The following AJAP1 variants were observed in gnomAD, a reference collection of about 807,000 sequenced individuals.
AJAP1 encodes the protein adherens junctions associated protein 1, also known as adherens junction-associated protein 1.
A neutral mutation model predicts 35.0 loss-of-function variants in AJAP1; 5 were observed. The observed-to-expected ratio is 0.14, with a 90% confidence interval of 0.07 to 0.30. AJAP1 has a LOEUF of 0.30. Ranked by LOEUF, AJAP1 falls within the 10% of genes least tolerant of loss-of-function variation. AJAP1 has a pLI of 1.00. For synonymous variants in AJAP1, 284 were observed against 249.3 expected (o/e 1.14, Z -1.31); for missense variants, 586 against 571.0 (o/e 1.03, Z -0.27).
rs1326074109 is a variant in AJAP1, at chr1:4,772,487, G to A, written c.1125G>A (p.Ser375=). 10 of 1,614,080 alleles carry A rather than the reference G, an allele frequency of 6.2e-6. No homozygotes were observed. The highest frequency in any genetic ancestry group is 1.3e-5 in the African/African-American group (1 of 74,934). The change falls in exon 4 of 6, where the codon TCG becomes TCA. Residue 375 remains serine, a synonymous_variant. Coordinates refer to ENST00000378191, the MANE Select transcript of AJAP1 (RefSeq NM_018836.4). The part of the protein sequence containing the change: ...VPVYTDETLH[S]TTGEYKSTFN... ...TGTACACCGATGAGACGCTGCACTC[G>A]ACGACGGGGGAGTACAAATCCACAT...
intron 2 of AJAP1, among the ~76,000 whole-genome samples, chr1:4,761,571 A>G (rs1360855356): frequency 6.6e-6 from 1 of 152,210 alleles, no homozygotes; most frequent in Non-Finnish European, 1.5e-5. Context: ...AATCTGTATT[A>G]GTCAGGGTTC....
chr1:4,682,113 G>A (rs1223134738), intron 1 of AJAP1, among the ~76,000 whole-genome samples: 4 of 152,182 alleles, frequency 2.6e-5, no homozygotes, highest in African/African-American at 9.7e-5. Flanking sequence ...CACTGATGAT[G>A]CTGAGAGGCC....
At chr1:4,694,351 A>G (rs1639811123) in intron 1 of AJAP1, among the ~76,000 whole-genome samples, 1 of 152,192 alleles carries the variant, frequency 6.6e-6, no homozygotes, top group African/African-American at 2.4e-5. Flanking sequence ...CACAGCAAGT[A>G]TTATTTTCTC....
chr1:4,702,173 A>G (rs569466770), intron 1 of AJAP1, among the ~76,000 whole-genome samples: 1 of 151,028 alleles, frequency 6.6e-6, no homozygotes, highest in East Asian at 1.9e-4. Context: ...CATGTCCCCA[A>G]TATTCCAGCG....
intron 1 of AJAP1, among the ~76,000 whole-genome samples, chr1:4,703,733 C>G (rs1299549459): frequency 6.6e-6 from 1 of 152,184 alleles, no homozygotes; most frequent in African/African-American, 2.4e-5. Flanking sequence ...AACACAGAAC[C>G]CCAGTCACAG....
In AJAP1 at chr1:4,787,724, G is replaced by T. The variant is rs888833402; in HGVS notation, c.*5239G>T. 2.2e-6 allele frequency: 1 copy of T among 456,164 alleles called. No individual in the cohort carries two copies. The highest frequency in any genetic ancestry group is 7.0e-5 in the East Asian group (1 of 14,340). The allele number at this position is 456,164 out of a possible 1,614,324, so 28.3% of individuals were successfully genotyped here. Reference sequence around the variant, plus strand: ...TCTGTCAGGTTGCCAGGCCAAGCAGGTCTCAGGTCAGCCAGGTCTCAAGGA... The same window carrying T: ...TCTGTCAGGTTGCCAGGCCAAGCAGTTCTCAGGTCAGCCAGGTCTCAAGGA... On this transcript the variant is annotated 3_prime_UTR_variant, in exon 6 of 6. Coordinates refer to ENST00000378191, the MANE Select transcript of AJAP1 (RefSeq NM_018836.4).
intron 2 of AJAP1, among the ~76,000 whole-genome samples, chr1:4,743,069 G>T: frequency 6.6e-6 from 1 of 152,198 alleles, no homozygotes; most frequent in South Asian, 2.1e-4. Flanking sequence ...CCTGGGGAAT[G>T]ACTTGGGGAT....
intron 1 of AJAP1, among the ~76,000 whole-genome samples, chr1:4,665,239 A>G (rs928307467): frequency 1.3e-5 from 2 of 152,138 alleles, no homozygotes; most frequent in African/African-American, 4.8e-5. Context: ...AAGAGTAAGC[A>G]TGTTTATTTT....
At chr1:4,714,293 C>T (rs1640338835) in intron 2 of AJAP1, among the ~76,000 whole-genome samples, 2 of 152,198 alleles carry the variant, frequency 1.3e-5, no homozygotes, top group African/African-American at 2.4e-5. Context: ...CATGCAGCCT[C>T]TTTTGGGAAT....
intron 2 of AJAP1, among the ~76,000 whole-genome samples, chr1:4,740,510 G>A (rs1641035215): frequency 6.6e-6 from 1 of 152,124 alleles, no homozygotes; most frequent in South Asian, 2.1e-4. Context: ...GGCTGGCCGG[G>A]CACGGTGGCT....
chr1:4,773,885 C>G (rs1166444120), intron 4 of AJAP1, among the ~76,000 whole-genome samples: 1 of 152,232 alleles, frequency 6.6e-6, no homozygotes, highest in Non-Finnish European at 1.5e-5. Flanking sequence ...AGAGTTCGCA[C>G]AGCTGGTGCT....
chr1:4,718,989 A>T (rs1640457893), intron 2 of AJAP1, among the ~76,000 whole-genome samples: 3 of 152,192 alleles, frequency 2.0e-5, no homozygotes, highest in South Asian at 4.1e-4. Context: ...CGGCTGCACG[A>T]AACACACCCT....
chr1:4,781,980 T>C (rs1479049424), intron 5 of AJAP1, among the ~76,000 whole-genome samples: 2 of 152,162 alleles, frequency 1.3e-5, no homozygotes, highest in Non-Finnish European at 2.9e-5. Flanking sequence ...CAAGATCACC[T>C]CTGGGGAGAT....
chr1:4,727,457 T>G (rs1640691672), intron 2 of AJAP1, among the ~76,000 whole-genome samples: 1 of 152,220 alleles, frequency 6.6e-6, no homozygotes. Context: ...GCCTCTCCAG[T>G]TATGCTGCGC....
chr1:4,772,184 G>A lies in AJAP1; in HGVS notation c.918-96G>A, dbSNP rs1028846533. 3.0e-5 allele frequency: 45 copies of A among 1,513,064 alleles called. No homozygotes were observed. In the African/African-American group the frequency reaches 4.3e-4, roughly 14 times the overall value. 93.7% of individuals were successfully genotyped at this position (1,513,064 alleles called of 1,614,324 possible). On this transcript the variant is annotated intron_variant, in intron 3 of 5. Transcript: ENST00000378191. ...TAATATGAAATGATGCGTAGCTCAC[G>A]CCTGCAAGCGAAAGACCCACAGTGG...
intron 4 of AJAP1, among the ~76,000 whole-genome samples, chr1:4,772,881 G>A (rs1257066008): frequency 6.6e-6 from 1 of 152,156 alleles, no homozygotes; most frequent in South Asian, 2.1e-4. Flanking sequence ...AATATCAACA[G>A]ATCACAACAG....
chr1:4,782,441 C>T lies in AJAP1; in HGVS notation c.*60-104C>T, dbSNP rs933244729. On this transcript the variant is annotated intron_variant, in intron 5 of 5. Transcript: ENST00000378191. This position sits in a 1 kb window ranked among gnomAD's most constrained non-coding sequence, Gnocchi z 5.3. Reference sequence around the variant, plus strand: ...AAAGGGAGTGATCGGGCTCTGCATGCGGGGGTGCTGCGTGTGGGGGTCCCA... The same window carrying T: ...AAAGGGAGTGATCGGGCTCTGCATGTGGGGGTGCTGCGTGTGGGGGTCCCA... 1.5e-5 allele frequency: 4 copies of T among 262,314 alleles called. No individual in the cohort carries two copies. The highest frequency in any genetic ancestry group is 2.9e-5 in the Non-Finnish European group (4 of 139,834). The allele number at this position is 262,314 out of a possible 1,614,324, so 16.2% of individuals were successfully genotyped here. A position where few individuals can be genotyped will look rare whatever the true frequency, so the allele number is the denominator to read the frequency against.
chr1:4,771,008 T>C (rs1211469345), intron 3 of AJAP1, among the ~76,000 whole-genome samples: 1 of 151,788 alleles, frequency 6.6e-6, no homozygotes. Flanking sequence ...ACCCCTGGAC[T>C]GTGTGGGCGT....
chr1:4,712,386 C>T lies in AJAP1; in HGVS notation c.516C>T (p.Ser172=). The T allele has an allele frequency of 6.4e-7, 1 of 1,553,624 alleles. No individual in the cohort carries two copies. The highest frequency in any genetic ancestry group is 8.7e-7 in the Non-Finnish European group (1 of 1,148,338). The change falls in exon 2 of 6, where the codon AGC becomes AGT. Residue 172 remains serine (S), a synonymous_variant. Coordinates refer to ENST00000378191, the MANE Select transcript of AJAP1 (RefSeq NM_018836.4). ...TCAGCAGCTTCGACTCCAGAGGCAGCCGGCCCACCACAGAGACTGAGTTCA... is the reference window on the plus strand; with the variant it reads ...TCAGCAGCTTCGACTCCAGAGGCAGTCGGCCCACCACAGAGACTGAGTTCA... ...DGLSSFDSRG[S]RPTTETEFIA... is the part of the protein sequence containing the mutation.
Sources: allele counts gnomAD v4.1 joint callset (sites outside exome capture counted in the v4.1 genomes callset), GRCh38; gene constraint gnomAD v4.1.1; non-coding constraint Gnocchi (gnomAD v3.1); transcripts MANE v1.5; gene names NCBI Gene and HGNC (gene_info 2026-07-23, HGNC 2026-07-21).